Variants in UPK3A observed in about 807,000 individuals in gnomAD.
UPK3A encodes the protein uroplakin-3a.
UPK3A carries 32 observed loss-of-function variants against 27.6 expected under a neutral mutation model. The ratio of observed to expected loss-of-function variants is 1.16; its 90% CI spans 0.87 to 1.55. The LOEUF is 1.55. Ranked by LOEUF, UPK3A falls within the 40% of genes most tolerant of loss-of-function variation. UPK3A has a pLI of 0.00. For synonymous variants in UPK3A, 171 were observed against 163.9 expected (o/e 1.04, Z -0.33); for missense variants, 370 against 367.9 (o/e 1.01, Z -0.05).
At chr22:45,286,124 T>A (rs1351039317) in intron 2 of UPK3A, 28 bp downstream of exon 2, 1 of 1,613,488 alleles carries the variant, frequency 6.2e-7, no homozygotes, top group Non-Finnish European at 8.5e-7. Context: ...CTCTGGCTAC[T>A]CCAAAAGGGG....
chr22:45,287,758 G>T (rs2084129505), intron 3 of UPK3A, among the ~76,000 whole-genome samples: 1 of 152,072 alleles, frequency 6.6e-6, no homozygotes, highest in South Asian at 2.1e-4. Context: ...CGCCTCCCAG[G>T]TTCAAGCGAT....
chr22:45,289,014 G>A (rs776483900), intron 3 of UPK3A, 47 bp from the exon 4 acceptor site: 1 of 1,586,526 alleles, frequency 6.3e-7, no homozygotes, highest in Non-Finnish European at 8.6e-7. Flanking sequence ...CCTGTGGGTG[G>A]GGCTCACAGG....
chr22:45,289,338 G>A (rs1187699393), intron 4 of UPK3A, among the ~76,000 whole-genome samples, 195 bp downstream of exon 4: 1 of 152,130 alleles, frequency 6.6e-6, no homozygotes, highest in East Asian at 1.9e-4. Context: ...GCCTTTGGGA[G>A]GCTGAGGCAG....
chr22:45,295,327 C>T (rs939784760), intron 5 of UPK3A, among the ~76,000 whole-genome samples: 6 of 152,066 alleles, frequency 3.9e-5, no homozygotes, highest in African/African-American at 1.4e-4. Flanking sequence ...TCAAATTGTC[C>T]AGCTCCCAAT....
At chr22:45,292,779 G>C (rs1322821350) in intron 4 of UPK3A, among the ~76,000 whole-genome samples, 1 of 151,850 alleles carries the variant, frequency 6.6e-6, no homozygotes, top group Non-Finnish European at 1.5e-5. Context: ...ATGGTGGCGT[G>C]CACCTGTAGT....
chr22:45,288,188 C>G (rs2084132984), intron 3 of UPK3A, among the ~76,000 whole-genome samples: 2 of 150,374 alleles, frequency 1.3e-5, no homozygotes, highest in South Asian at 4.2e-4. Flanking sequence ...CCATCTGCAG[C>G]CTCAACTTCT....
In UPK3A at chr22:45,284,979, C is replaced by A. The variant is rs1569102589; in HGVS notation, c.-35C>A. On this transcript the variant is annotated 5_prime_UTR_variant, in exon 1 of 6. Coordinates refer to ENST00000216211, the MANE Select transcript of UPK3A (RefSeq NM_006953.4). Reference sequence around the variant, plus strand: ...TGGTGCCCGCGCCTGCTCGCTGGACCGCCCGCCCCGCGCTCTGGCGGCTCC... The same window carrying A: ...TGGTGCCCGCGCCTGCTCGCTGGACAGCCCGCCCCGCGCTCTGGCGGCTCC... The A allele has an allele frequency of 6.5e-7, 1 of 1,526,832 alleles. No homozygotes were observed. Among genetic ancestry groups the A allele is most frequent in the Non-Finnish European group, 8.8e-7 (1 of 1,142,546 alleles). 94.6% of individuals were successfully genotyped at this position (1,526,832 alleles called of 1,614,324 possible).
intron 4 of UPK3A, among the ~76,000 whole-genome samples, chr22:45,290,535 C>T (rs761949314): frequency 1.3e-5 from 2 of 151,652 alleles, no homozygotes; most frequent in South Asian, 2.1e-4. Flanking sequence ...TACGGTGTTG[C>T]GTATGTGTGT....
At chr22:45,289,866 G>A (rs1278649298) in intron 4 of UPK3A, among the ~76,000 whole-genome samples, 3 of 152,186 alleles carry the variant, frequency 2.0e-5, no homozygotes, top group Non-Finnish European at 4.4e-5. Flanking sequence ...TTGGGCTGGG[G>A]ATGGGTGTAA....
chr22:45,291,226 TGTGAGA>T, intron 4 of UPK3A, among the ~76,000 whole-genome samples: 1 of 150,844 alleles, frequency 6.6e-6, no homozygotes, highest in East Asian at 2.0e-4. Flanking sequence ...GTGTGGTTAG[TGTGAGA>T]GTATGTGTGG....
chr22:45,291,453 G>A (rs537060534), intron 4 of UPK3A, among the ~76,000 whole-genome samples: 38 of 149,850 alleles, frequency 2.5e-4, no homozygotes, highest in African/African-American at 8.4e-4. Flanking sequence ...TGAGAGTGTG[G>A]CAGGTGTGTG....
chr22:45,287,858 TTC>T (rs1171778851), intron 3 of UPK3A, among the ~76,000 whole-genome samples: 1 of 152,018 alleles, frequency 6.6e-6, no homozygotes, highest in African/African-American at 2.4e-5. Flanking sequence ...CAGATGGGGT[TTC>T]ATCATGTTGG....
At chr22:45,289,371 C>G (rs756626178) in intron 4 of UPK3A, among the ~76,000 whole-genome samples, 1 of 151,776 alleles carries the variant, frequency 6.6e-6, no homozygotes, top group Non-Finnish European at 1.5e-5. Context: ...GTCAGGAGAT[C>G]GAGACCATCC....
At chr22:45,294,539 C>G (rs2084182711) in intron 5 of UPK3A, among the ~76,000 whole-genome samples, 1 of 152,090 alleles carries the variant, frequency 6.6e-6, no homozygotes. Context: ...TCACCTTTAC[C>G]ATTTAATGAC....
chr22:45,286,156 G>A (rs2084116813), intron 2 of UPK3A, 60 bp downstream of exon 2: 56 of 1,605,370 alleles, frequency 3.5e-5, no homozygotes, highest in Non-Finnish European at 4.8e-5. Flanking sequence ...CTGCAGGGAG[G>A]AGGGAAGGAG....
At chr22:45,288,522 A>T (rs1324092970) in intron 3 of UPK3A, among the ~76,000 whole-genome samples, 1 of 151,958 alleles carries the variant, frequency 6.6e-6, no homozygotes, top group African/African-American at 2.4e-5. Flanking sequence ...TAGTAGAGAC[A>T]GGGTTTTGCC....
At chr22:45,294,952 G>A (rs377169493) in intron 5 of UPK3A, among the ~76,000 whole-genome samples, 13 of 144,544 alleles carry the variant, frequency 9.0e-5, no homozygotes, top group African/African-American at 2.1e-4. Flanking sequence ...TGCAACCTCC[G>A]CCTCCCAGGT....
intron 3 of UPK3A, among the ~76,000 whole-genome samples, 189 bp from the exon 4 acceptor site, chr22:45,288,872 G>A (rs982982207): frequency 1.3e-5 from 2 of 151,770 alleles, no homozygotes; most frequent in East Asian, 1.9e-4. Context: ...CCTGGGGGGG[G>A]TCCTATTGGC....
chr22:45,289,768 G>T (rs1196304045), intron 4 of UPK3A, among the ~76,000 whole-genome samples: 1 of 146,714 alleles, frequency 6.8e-6, no homozygotes, highest in African/African-American at 2.5e-5. Flanking sequence ...AAAAAAAAAA[G>T]TCGTTGAACC....
Sources: allele counts gnomAD v4.1 joint callset (sites outside exome capture counted in the v4.1 genomes callset), GRCh38; gene constraint gnomAD v4.1.1; transcripts MANE v1.5; gene names NCBI Gene and HGNC (gene_info 2026-07-23, HGNC 2026-07-21).